The following CAMKMT variants were observed in gnomAD, a reference collection of about 807,000 sequenced individuals.
CAMKMT encodes the protein calmodulin-lysine N-methyltransferase, also known as CaM KMT.
Under a neutral mutation model 48.0 loss-of-function variants are expected in CAMKMT, and 53 were observed. The observed-to-expected ratio is 1.10, with a 90% confidence interval of 0.89 to 1.39. The LOEUF (loss-of-function observed/expected upper bound fraction) is 1.39, where lower values mean the gene tolerates loss of function less well. CAMKMT is among the 40% of genes most tolerant of loss of function. The pLI is 0.00. For missense variants in CAMKMT, 428 were observed against 402.7 expected (o/e 1.06, Z -0.54); for synonymous variants, 165 against 152.3 (o/e 1.08, Z -0.61).
chr2:44,736,134 C>G (rs777119609), intron 7 of CAMKMT, among the ~76,000 whole-genome samples: 4 of 152,160 alleles, frequency 2.6e-5, no homozygotes, highest in African/African-American at 9.7e-5. Context: ...CCTTCATGTA[C>G]ATTTCCATCT....
chr2:44,477,204 T>C (rs573342049), intron 3 of CAMKMT, among the ~76,000 whole-genome samples: 16 of 152,294 alleles, frequency 1.1e-4, no homozygotes, highest in Middle Eastern at 3.4e-3. Context: ...ATAGAGTTAA[T>C]AGGAGCTTGG....
At chr2:44,456,673 GT>G in intron 3 of CAMKMT, 5 of 1,507,776 alleles carry the variant, frequency 3.3e-6, no homozygotes, top group Non-Finnish European at 4.5e-6. Context: ...AAGAAAAGAT[GT>G]TTTGGCCAAG....
chr2:44,603,473 C>T (rs902946272), intron 3 of CAMKMT, among the ~76,000 whole-genome samples: 2 of 152,142 alleles, frequency 1.3e-5, no homozygotes, highest in Non-Finnish European at 2.9e-5. Flanking sequence ...TATATTGCCA[C>T]ACAACAAAAT....
At chr2:44,521,563 GC>G (rs573985536) in intron 3 of CAMKMT, among the ~76,000 whole-genome samples, 124 of 152,348 alleles carry the variant, frequency 8.1e-4, no homozygotes, top group African/African-American at 2.9e-3. Flanking sequence ...ACAGGCCTGA[GC>G]CATCACGCCC....
At chr2:44,597,937 A>T (rs1193320570) in intron 3 of CAMKMT, among the ~76,000 whole-genome samples, 1 of 152,072 alleles carries the variant, frequency 6.6e-6, no homozygotes, top group African/African-American at 2.4e-5. Context: ...GGGTTTCACC[A>T]TGTTGGTCAG....
chr2:44,474,608 A>G (rs942335655), intron 3 of CAMKMT, among the ~76,000 whole-genome samples: 3 of 152,182 alleles, frequency 2.0e-5, no homozygotes, highest in Non-Finnish European at 2.9e-5. Flanking sequence ...TTTAATTCCT[A>G]TATGTCTATC....
At chr2:44,766,348 C>CATT in intron 9 of CAMKMT, 82 bp from the exon 10 acceptor site, 1 of 1,489,740 alleles carries the variant, frequency 6.7e-7, no homozygotes, top group Non-Finnish European at 9.3e-7. Flanking sequence ...GAGAGCAGTA[C>CATT]ATTAAATGCT....
At chr2:44,679,875 A>C (rs1251310349) in intron 3 of CAMKMT, among the ~76,000 whole-genome samples, 1 of 152,216 alleles carries the variant, frequency 6.6e-6, no homozygotes, top group East Asian at 1.9e-4. Context: ...TTTGGCACCT[A>C]CTGATCTCCG....
intron 3 of CAMKMT, among the ~76,000 whole-genome samples, chr2:44,595,561 C>G (rs904862589): frequency 6.6e-6 from 1 of 152,132 alleles, no homozygotes; most frequent in Non-Finnish European, 1.5e-5. Context: ...GTGAAAATGA[C>G]CATACTGCCC....
rs545851114 is a variant in CAMKMT, at chr2:44,459,463, ATT to A, written c.376+69160_376+69161del. 3.1e-3 allele frequency among the ~76,000 whole-genome samples: 468 copies of A among 152,310 alleles called. 2 individuals are homozygous for A. Among genetic ancestry groups the A allele is most frequent in the African/African-American group, 0.011 (452 of 41,568 alleles). On this transcript the variant is annotated intron_variant, in intron 3 of 10. Coordinates refer to ENST00000378494, the MANE Select transcript of CAMKMT (RefSeq NM_024766.5). The stretch of plus-strand genomic sequence containing the variant: ...TCCCTAGGTGATGAAATGTATTATT[ATT>A]TAGAACATTTATTTTAGTGTGTGTT...
chr2:44,621,266 C>CAAAAAAAAAAAAAAAAAAAAAA (rs10667154), intron 3 of CAMKMT, among the ~76,000 whole-genome samples: 2 of 84,552 alleles, frequency 2.4e-5, no homozygotes, highest in African/African-American at 1.1e-4. Context: ...GACTCCATCT[C>CAAAAAAAAAAAAAAAAAAAAAA]AAAAAAAAAA....
chr2:44,501,078 T>C (rs1669984466), intron 3 of CAMKMT, among the ~76,000 whole-genome samples: 1 of 151,624 alleles, frequency 6.6e-6, no homozygotes, highest in South Asian at 2.1e-4. Flanking sequence ...TTTTTTTTCC[T>C]GGAGACTTGT....
intron 3 of CAMKMT, among the ~76,000 whole-genome samples, chr2:44,409,554 G>T (rs1379160228): frequency 6.6e-6 from 1 of 152,066 alleles, no homozygotes; most frequent in African/African-American, 2.4e-5. Flanking sequence ...TGGCCTCAAA[G>T]CATATCTTAA....
At chr2:44,570,049 T>C (rs1403052526) in intron 3 of CAMKMT, among the ~76,000 whole-genome samples, 4 of 152,198 alleles carry the variant, frequency 2.6e-5, no homozygotes, top group Non-Finnish European at 5.9e-5. Flanking sequence ...TTTTTCTTTG[T>C]AACTAGATTA....
At chr2:44,673,516 AGGAAGGAG>A (rs770965200) in intron 3 of CAMKMT, among the ~76,000 whole-genome samples, 10,213 of 105,146 alleles carry the variant, frequency 0.097, 501 homozygotes, top group South Asian at 0.14. Context: ...GAAGGAAGGA[AGGAAGGAG>A]GGAAGGAAGA....
intron 3 of CAMKMT, among the ~76,000 whole-genome samples, chr2:44,649,425 T>TA (rs1332591829): frequency 6.6e-6 from 1 of 151,908 alleles, no homozygotes; most frequent in Non-Finnish European, 1.5e-5. Context: ...TGATCTGGAT[T>TA]AAAAATAAAG....
chr2:44,475,045 A>G (rs1017976349), intron 3 of CAMKMT, among the ~76,000 whole-genome samples: 1 of 152,228 alleles, frequency 6.6e-6, no homozygotes, highest in Admixed American at 6.5e-5. Flanking sequence ...TCTAATATTT[A>G]CCAAAATGAT....
rs149922222 is a variant in CAMKMT, at chr2:44,486,475, G to A, written c.376+96170G>A. 1.2e-4 allele frequency among the ~76,000 whole-genome samples: 18 copies of A among 152,266 alleles called. No individual in the cohort carries two copies. In the East Asian group the frequency reaches 3.5e-3, roughly 29 times the overall value. ...GGAATGTGGATAAGAAGCTCTGGAA[G>A]CTTTTTCTGATTTGAAAGAGGTGGT... On this transcript the variant is annotated intron_variant, in intron 3 of 10. Transcript: ENST00000378494.
chr2:44,584,229 A>G (rs566081394), intron 3 of CAMKMT, among the ~76,000 whole-genome samples: 2 of 152,322 alleles, frequency 1.3e-5, no homozygotes, highest in African/African-American at 2.4e-5. Flanking sequence ...ATTTTATTTT[A>G]TAGATACACC....
Sources: gnomAD v4.1 joint callset for allele counts (sites outside exome capture counted in the v4.1 genomes callset) on GRCh38, gnomAD v4.1.1 for gene constraint, MANE v1.5 for transcripts, NCBI Gene and HGNC (gene_info 2026-07-23, HGNC 2026-07-21) for gene names.